Variants in HK1 observed in about 807,000 individuals in gnomAD.
The protein encoded by HK1 is hexokinase-1.
HK1 carries 28 observed loss-of-function variants against 91.6 expected under a neutral mutation model. That is an observed-to-expected ratio of 0.31 (90% confidence interval 0.23 to 0.42). The LOEUF is 0.42. HK1 is among the 10% of genes least tolerant of loss of function. The pLI, the probability that HK1 is intolerant of heterozygous loss-of-function variation, is 1.00. For missense variants in HK1, 770 were observed against 1,219.8 expected, an observed-to-expected ratio of 0.63 and a Z score of 5.49; for synonymous variants, 430 against 468.1, an observed-to-expected ratio of 0.92 and a Z score of 1.05.
upstream of HK1, chr10:69,318,269 C>A (rs888998807): frequency 1.6e-5 from 16 of 975,020 alleles, no homozygotes; most frequent in Non-Finnish European, 1.8e-5. Flanking sequence ...GTGAGGAAGG[C>A]GCGGGACCCG....
upstream of HK1, among the ~76,000 whole-genome samples, chr10:69,312,457 T>C (rs1846421574): frequency 6.6e-6 from 1 of 152,082 alleles, no homozygotes; most frequent in Non-Finnish European, 1.5e-5. Flanking sequence ...CAGCCTGGTC[T>C]GGAACTCCTG....
At chr10:69,336,927 G>A (rs1350280633) in intron 1 of HK1, among the ~76,000 whole-genome samples, 2 of 152,122 alleles carry the variant, frequency 1.3e-5, no homozygotes, top group Non-Finnish European at 2.9e-5. Context: ...TTACAAGCGT[G>A]AGCCACCGTG....
chr10:69,350,808 T>C (rs1848814379), intron 2 of HK1, among the ~76,000 whole-genome samples: 2 of 152,298 alleles, frequency 1.3e-5, no homozygotes, highest in Admixed American at 1.3e-4. Context: ...TTTCCCCCTA[T>C]GCACAAGTGG....
At chr10:69,390,706 C>G (rs1175057401) in intron 14 of HK1, among the ~76,000 whole-genome samples, 1 of 152,164 alleles carries the variant, frequency 6.6e-6, no homozygotes, top group Non-Finnish European at 1.5e-5. Flanking sequence ...TACATCCCAC[C>G]CTGGATGGGT....
At position 69,401,645 on chromosome 10, in the gene HK1, G is replaced by A. The variant is rs965815046; in HGVS notation, c.*510G>A. 1.3e-5 allele frequency: 5 copies of A among 378,638 alleles called. No homozygotes were observed. The highest frequency in any genetic ancestry group is 1.1e-4 in the African/African-American group (5 of 46,746). 23.5% of individuals were successfully genotyped at this position (378,638 alleles called of 1,614,324 possible). On this transcript the variant is annotated 3_prime_UTR_variant, in exon 18 of 18. Transcript: ENST00000359426. ...CCCCTCCTGGCACCCACTGTGGCCT[G>A]GCATCGCATCGTGGTGTGTCAATGC...
chr10:69,358,527 A>C (rs544410377), intron 2 of HK1, among the ~76,000 whole-genome samples: 1 of 152,336 alleles, frequency 6.6e-6, no homozygotes, highest in Non-Finnish European at 1.5e-5. Flanking sequence ...AAGGATAAAC[A>C]AAATGTAGTG....
intron 14 of HK1, among the ~76,000 whole-genome samples, chr10:69,389,876 A>C (rs1839818151): frequency 6.6e-6 from 1 of 152,186 alleles, no homozygotes; most frequent in African/African-American, 2.4e-5. Flanking sequence ...TCCAAAACAC[A>C]TTAGGGGTCT....
At chr10:69,331,071 G>A (rs527479137) in intron 1 of HK1, among the ~76,000 whole-genome samples, 2 of 151,902 alleles carry the variant, frequency 1.3e-5, no homozygotes, top group African/African-American at 4.8e-5. Flanking sequence ...GTAGAGATGG[G>A]GTTTCACCAT....
intron 1 of HK1, among the ~76,000 whole-genome samples, chr10:69,343,599 T>C (rs148323923): frequency 5.6e-4 from 85 of 152,272 alleles, no homozygotes; most frequent in African/African-American, 2.0e-3. Flanking sequence ...TTGGAAAGGA[T>C]CTTAGAGATA....
At chr10:69,396,912 C>T (rs538600065) in intron 16 of HK1, among the ~76,000 whole-genome samples, 9 of 152,102 alleles carry the variant, frequency 5.9e-5, no homozygotes, top group Non-Finnish European at 1.3e-4. Flanking sequence ...CTCAAACTCC[C>T]GACCTCAGGT....
At chr10:69,296,183 C>T (rs1211176955) in intron 4 of HK1, 1 of 174,560 alleles carries the variant, frequency 5.7e-6, no homozygotes, top group East Asian at 1.4e-4. Flanking sequence ...CTGACCTACC[C>T]TCTTCCCTCC....
rs367784748 is a variant in HK1, at chr10:69,271,635, G to A, written c.-391+1527G>A. 8.4e-4 allele frequency among the ~76,000 whole-genome samples: 128 copies of A among 151,812 alleles called. 3 individuals carry two copies. In the South Asian group the frequency reaches 0.026, roughly 30 times the overall value. On this transcript the variant is annotated intron_variant, in intron 1 of 21. Transcript: ENST00000360289. ...TGGGACTACAGGTGCCTCCCACCAC[G>A]CCCGGCTAATTTTTTGCATTTTTAT... is the stretch of plus-strand genomic sequence containing the variant.
intron 1 of HK1, chr10:69,270,868 G>A (rs1844121159): frequency 6.6e-6 from 1 of 152,178 alleles, no homozygotes; most frequent in African/African-American, 2.4e-5. Flanking sequence ...CATACTGGCT[G>A]GCATTGAGTA....
At chr10:69,321,762 G>A (rs1847046396) in intron 1 of HK1, among the ~76,000 whole-genome samples, 1 of 152,206 alleles carries the variant, frequency 6.6e-6, no homozygotes, top group South Asian at 2.1e-4. Context: ...ATCCTGGGTT[G>A]AAACAGTTCA....
At chr10:69,324,388 C>T (rs1226980312) in intron 1 of HK1, among the ~76,000 whole-genome samples, 4 of 151,624 alleles carry the variant, frequency 2.6e-5, no homozygotes, top group South Asian at 4.2e-4. Context: ...GTCAGGAGGT[C>T]GAGACCAGCC....
chr10:69,376,534 C>T (rs182042510), intron 7 of HK1, among the ~76,000 whole-genome samples: 32 of 152,196 alleles, frequency 2.1e-4, no homozygotes, highest in East Asian at 1.9e-3. Flanking sequence ...TACATACATA[C>T]GTACATACAT....
intron 1 of HK1, chr10:69,338,111 G>A (rs1589506042): frequency 3.2e-6 from 1 of 314,090 alleles, no homozygotes; most frequent in Admixed American, 5.3e-5. Flanking sequence ...CCTGCTCTGC[G>A]GGGGTCCAAC....
Position 69,369,632 on chromosome 10 carries a change from C to T in HK1, c.875+8C>T. On this transcript the variant is annotated splice_region_variant and intron_variant, in intron 7 of 17. Coordinates refer to ENST00000359426, the MANE Select transcript of HK1 (RefSeq NM_000188.3). This position sits in a 1 kb window ranked among gnomAD's most constrained non-coding sequence, Gnocchi z 4.4. Reference sequence around the variant, plus strand: ...CAACCCTGGAAAACAGCTGTGAGTCCTTGACTTTTGCTTCTAACCACATAT... The same window carrying T: ...CAACCCTGGAAAACAGCTGTGAGTCTTTGACTTTTGCTTCTAACCACATAT... The T allele has an allele frequency of 6.2e-7, 1 of 1,612,522 alleles. No homozygotes were observed. The highest frequency in any genetic ancestry group is 8.5e-7 in the Non-Finnish European group (1 of 1,179,258).
At chr10:69,302,253 A>G (rs1040219581) in intron 5 of HK1, among the ~76,000 whole-genome samples, 4 of 149,000 alleles carry the variant, frequency 2.7e-5, no homozygotes, top group African/African-American at 9.8e-5. Context: ...ATCTCAAAAA[A>G]AGAAAAAAAA....
Sources: allele counts gnomAD v4.1 joint callset (sites outside exome capture counted in the v4.1 genomes callset), GRCh38; gene constraint gnomAD v4.1.1; non-coding constraint Gnocchi (gnomAD v3.1); transcripts MANE v1.5; gene names NCBI Gene and HGNC (gene_info 2026-07-23, HGNC 2026-07-21).